Variants in FAM135A observed in about 807,000 individuals in gnomAD.
FAM135A encodes family with sequence similarity 135 member A.
A neutral mutation model predicts 146.8 loss-of-function variants in FAM135A; 79 were observed. The ratio of observed to expected loss-of-function variants is 0.54; its 90% CI spans 0.45 to 0.65. FAM135A has a LOEUF of 0.65. Ranked by LOEUF, FAM135A falls within the 30% of genes least tolerant of loss-of-function variation. The probability of loss-of-function intolerance (pLI) is 0.00; values close to 1 mark genes in which losing one functional copy is unlikely to be tolerated. For missense variants in FAM135A, 1,623 were observed against 1,758.2 expected, an observed-to-expected ratio of 0.92 and a Z score of 1.38; for synonymous variants, 562 against 603.6, an observed-to-expected ratio of 0.93 and a Z score of 1.01.
chr6:70,477,112 G>A (rs373298994), intron 7 of FAM135A, 47 bp from the exon 8 acceptor site: 161 of 1,541,930 alleles, frequency 1.0e-4, no homozygotes, highest in East Asian at 5.3e-4. Context: ...ATATATTGGC[G>A]TTTACTAAAT....
intron 12 of FAM135A, among the ~76,000 whole-genome samples, chr6:70,509,936 G>A (rs913800076): frequency 2.0e-5 from 3 of 152,020 alleles, no homozygotes; most frequent in Admixed American, 6.6e-5. Context: ...TTATTATGAC[G>A]CTGGTTTGCT....
rs943090267 is a variant in FAM135A at position 70,560,197 on chromosome 6, C to T, written c.*276C>T. 8 of 305,986 alleles carry T rather than the reference C, an allele frequency of 2.6e-5. No individual in the cohort carries two copies. The highest frequency in any genetic ancestry group is 2.5e-4 in the South Asian group (6 of 23,822). 19.0% of individuals were successfully genotyped at this position (305,986 alleles called of 1,614,324 possible). On this transcript the variant is annotated 3_prime_UTR_variant, in exon 22 of 22. Coordinates refer to ENST00000418814, the MANE Select transcript of FAM135A (RefSeq NM_001162529.3). The stretch of plus-strand genomic sequence containing the variant: ...AAGTATTTCAGTGAAACTTTAAGCC[C>T]ATACCTGTGTCTGATTGTTTATTAT...
chr6:70,460,611 A>G (rs936102000), intron 5 of FAM135A, among the ~76,000 whole-genome samples: 9 of 152,240 alleles, frequency 5.9e-5, no homozygotes, highest in Admixed American at 6.5e-5. Context: ...CAGTAAGACA[A>G]TTAAGGCAGG....
Position 70,477,155 on chromosome 6 carries a change from A to C in FAM135A, c.369-4A>C, listed in dbSNP as rs770694553. 1 of 1,611,062 alleles carries C rather than the reference A, an allele frequency of 6.2e-7. No individual in the cohort carries two copies. The highest frequency in any genetic ancestry group is 8.5e-7 in the Non-Finnish European group (1 of 1,178,608). On this transcript the variant is annotated splice_polypyrimidine_tract_variant and splice_region_variant and intron_variant, in intron 7 of 21. Transcript: ENST00000418814. ...ACTTACATGCTAAGTGTTCCTTTTTACAGGGCAGATGATCTGAATGCCTTG... is the reference window on the plus strand; with the variant it reads ...ACTTACATGCTAAGTGTTCCTTTTTCCAGGGCAGATGATCTGAATGCCTTG...
At chr6:70,475,301 T>G (rs1376840664) in intron 5 of FAM135A, 109 bp from the exon 6 acceptor site, 2 of 865,622 alleles carry the variant, frequency 2.3e-6, no homozygotes, top group Non-Finnish European at 3.4e-6. Flanking sequence ...AAATTGATAA[T>G]GACACTATAG....
intron 2 of FAM135A, among the ~76,000 whole-genome samples, chr6:70,417,259 CTTTTT>C (rs746838449): frequency 7.1e-6 from 1 of 141,228 alleles, no homozygotes; most frequent in Non-Finnish European, 1.6e-5. Flanking sequence ...TAGACTGGGA[CTTTTT>C]TTTTTTTTTT....
At chr6:70,512,151 G>T (rs117146381) in intron 12 of FAM135A, among the ~76,000 whole-genome samples, 1,784 of 151,990 alleles carry the variant, frequency 0.012, 20 homozygotes, top group Middle Eastern at 0.041. Flanking sequence ...CTACTGTCTT[G>T]ATTAGAAATA....
chr6:70,508,975 T>C (rs1468947247), intron 12 of FAM135A, among the ~76,000 whole-genome samples: 3 of 152,208 alleles, frequency 2.0e-5, no homozygotes, highest in Admixed American at 2.0e-4. Context: ...AGCTTATTCT[T>C]GTGTGGAAGC....
chr6:70,423,722 G>T (rs553364342), intron 2 of FAM135A, among the ~76,000 whole-genome samples: 1 of 152,210 alleles, frequency 6.6e-6, no homozygotes, highest in African/African-American at 2.4e-5. Flanking sequence ...AAAAGGAAGG[G>T]AAAACAGATG....
At chr6:70,479,985 C>G (rs181036332) in intron 8 of FAM135A, among the ~76,000 whole-genome samples, 50 of 152,278 alleles carry the variant, frequency 3.3e-4, no homozygotes, top group Admixed American at 8.5e-4. Flanking sequence ...AGACATTTTA[C>G]TTTTGCAAAG....
intron 12 of FAM135A, among the ~76,000 whole-genome samples, chr6:70,519,720 A>G (rs1793114955): frequency 6.6e-6 from 1 of 152,092 alleles, no homozygotes; most frequent in Non-Finnish European, 1.5e-5. Context: ...TAAAAAAGGT[A>G]TAATGCTATT....
At chr6:70,512,440 T>A (rs1266310701) in intron 12 of FAM135A, among the ~76,000 whole-genome samples, 1 of 151,864 alleles carries the variant, frequency 6.6e-6, no homozygotes. Flanking sequence ...AAAATCATTT[T>A]TTTTTCCAAA....
At chr6:70,558,975 T>G (rs1007399803) in intron 21 of FAM135A, among the ~76,000 whole-genome samples, 1 of 152,250 alleles carries the variant, frequency 6.6e-6, no homozygotes, top group African/African-American at 2.4e-5. Flanking sequence ...TTGGAAATTT[T>G]GACTGCCACA....
chr6:70,497,548 T>TGA (rs1287611285), intron 11 of FAM135A, among the ~76,000 whole-genome samples: 1 of 152,138 alleles, frequency 6.6e-6, no homozygotes, highest in Non-Finnish European at 1.5e-5. Context: ...ATAGGAGGGG[T>TGA]GAGAGAGGGC....
rs1219004800 is a variant in FAM135A at position 70,524,736 on chromosome 6, A to C, written c.1652A>C (p.Asp551Ala). 6.5e-7 allele frequency: 1 copy of C among 1,549,322 alleles called. No homozygotes were observed. Among genetic ancestry groups the C allele is most frequent in the Non-Finnish European group, 8.7e-7 (1 of 1,146,304 alleles). Residue 551 changes from aspartate (D) to alanine (A), a missense_variant, in exon 15 of 22, where the codon GAT (aspartate) becomes GCT (alanine). Physicochemically the swap from Asp to Ala is moderately radical, Grantham distance 126 (BLOSUM62 -2). Transcript: ENST00000418814. Reference protein sequence around the residue: ...NPSHSQKEGLDPTICGYNFDP... With the variant: ...NPSHSQKEGLAPTICGYNFDP... ...TCACATAGTCAGAAGGAAGGTCTGG[A>C]TCCCACAATATGTGGATATAATTTT...
chr6:70,517,639 G>C (rs915479201), intron 12 of FAM135A, among the ~76,000 whole-genome samples: 4 of 151,908 alleles, frequency 2.6e-5, no homozygotes, highest in Non-Finnish European at 4.4e-5. Context: ...GGCTGGTCTC[G>C]AACTCCTCCC....
intron 4 of FAM135A, among the ~76,000 whole-genome samples, chr6:70,428,895 T>C (rs961643727): frequency 1.3e-5 from 2 of 152,238 alleles, no homozygotes; most frequent in Non-Finnish European, 2.9e-5. Context: ...GGGTATTTCA[T>C]TTGTTTTCAT....
chr6:70,508,358 A>T (rs1002564629), intron 12 of FAM135A, among the ~76,000 whole-genome samples: 1 of 152,192 alleles, frequency 6.6e-6, no homozygotes, highest in African/African-American at 2.4e-5. Context: ...AGTATGTCTT[A>T]TAGAGAACTT....
At chr6:70,465,453 G>C (rs757260776) in intron 5 of FAM135A, among the ~76,000 whole-genome samples, 2 of 151,936 alleles carry the variant, frequency 1.3e-5, no homozygotes, top group Non-Finnish European at 2.9e-5. Context: ...ACAGGGTCTC[G>C]TTCTGTCATC....
Sources: gnomAD v4.1 joint callset for allele counts (sites outside exome capture counted in the v4.1 genomes callset) on GRCh38, gnomAD v4.1.1 for gene constraint, MANE v1.5 for transcripts, NCBI Gene and HGNC (gene_info 2026-07-23, HGNC 2026-07-21) for gene names.